Variants in SHISA5 observed in about 807,000 individuals in gnomAD.
SHISA5 encodes shisa family member 5, also known as protein shisa-5.
In SHISA5, 21 loss-of-function variants were observed where a neutral mutation model predicts 27.5. The ratio of observed to expected loss-of-function variants is 0.76; its 90% CI spans 0.54 to 1.10. SHISA5 has a LOEUF of 1.10. Among genes scored for constraint, SHISA5 ranks in the 50% least tolerant of loss-of-function variants. The pLI, the probability that SHISA5 is intolerant of heterozygous loss-of-function variation, is 0.00. For missense variants in SHISA5, 314 were observed against 336.3 expected (o/e 0.93, Z 0.52); for synonymous variants, 137 against 142.2 (o/e 0.96, Z 0.26).
rs1396183837 is a variant in SHISA5 at position 48,495,743 on chromosome 3, G to A, written c.233+5394C>T. 3.4e-5 allele frequency among the ~76,000 whole-genome samples: 5 copies of A among 147,250 alleles called. No homozygotes were observed. In the East Asian group the frequency reaches 9.7e-4, roughly 29 times the overall value. The stretch of plus-strand genomic sequence containing the variant: ...TCACTGTGTTGGCCAGCCTGATCTC[G>A]AACTCCAGACCTCGTGATCTGCCCA... On this transcript the variant is annotated intron_variant, in intron 2 of 5. Transcript: ENST00000296444.
At chr3:48,502,278 C>A (rs1248792255) in intron 1 of SHISA5, 2 of 423,304 alleles carry the variant, frequency 4.7e-6, no homozygotes, top group Admixed American at 4.9e-5. Flanking sequence ...ACCCCATAAC[C>A]ATGATGGCAG....
intron 2 of SHISA5, among the ~76,000 whole-genome samples, chr3:48,482,581 TG>T (rs925464496): frequency 6.6e-6 from 1 of 152,120 alleles, no homozygotes; most frequent in African/African-American, 2.4e-5. Flanking sequence ...GCCCTTATAT[TG>T]GAAGGGAAAT....
Position 48,468,961 on chromosome 3 carries a change from A to T in SHISA5, c.*146T>A. 2 of 1,581,024 alleles carry T rather than the reference A, an allele frequency of 1.3e-6. No individual in the cohort carries two copies. Among genetic ancestry groups the T allele is most frequent in the Non-Finnish European group, 1.7e-6 (2 of 1,171,228 alleles). ...CAGCATCAGAGGAAGCCACATATAC[A>T]GGCAGGACACACACAGCACACATGG... is the stretch of plus-strand genomic sequence containing the variant. On this transcript the variant is annotated 3_prime_UTR_variant, in exon 6 of 6. Transcript: ENST00000296444.
intron 2 of SHISA5, among the ~76,000 whole-genome samples, chr3:48,500,351 G>A (rs1033409467): frequency 6.6e-6 from 1 of 152,208 alleles, no homozygotes; most frequent in Non-Finnish European, 1.5e-5. Flanking sequence ...GCCAGGCATG[G>A]TGGTGCACAC....
intron 2 of SHISA5, among the ~76,000 whole-genome samples, chr3:48,488,719 G>T (rs2041328576): frequency 1.3e-5 from 2 of 150,016 alleles, no homozygotes; most frequent in Non-Finnish European, 1.5e-5. Flanking sequence ...TGTAATCCCA[G>T]CTACTAGGGA....
intron 2 of SHISA5, among the ~76,000 whole-genome samples, chr3:48,486,474 A>T (rs1393206413): frequency 9.5e-6 from 1 of 104,880 alleles, no homozygotes; most frequent in African/African-American, 4.2e-5. Context: ...TAATTATATT[A>T]TATATATTAC....
In SHISA5 at chr3:48,468,232, A is replaced by T; in HGVS notation, c.*875T>A. On this transcript the variant is annotated 3_prime_UTR_variant, in exon 6 of 6. Transcript: ENST00000296444. Reference sequence around the variant, plus strand: ...TCTCATATCAACTATCATGTTTGAAACAGAAAACAGGCAAAATGTTTGGCT... The same window carrying T: ...TCTCATATCAACTATCATGTTTGAATCAGAAAACAGGCAAAATGTTTGGCT... 1.0e-6 allele frequency: 1 copy of T among 1,001,850 alleles called. No homozygotes were observed. The highest frequency in any genetic ancestry group is 1.2e-6 in the Non-Finnish European group (1 of 839,220). 62.1% of individuals were successfully genotyped at this position (1,001,850 alleles called of 1,614,324 possible). A position where few individuals can be genotyped will look rare whatever the true frequency, so the allele number is the denominator to read the frequency against.
Position 48,469,970 on chromosome 3 carries a change from G to C in SHISA5, c.315-127C>G, listed in dbSNP as rs546443845. The C allele has an allele frequency of 7.9e-7, 1 of 1,270,784 alleles. No homozygotes were observed. The highest frequency in any genetic ancestry group is 1.1e-6 in the Non-Finnish European group (1 of 924,194). The allele number at this position is 1,270,784 out of a possible 1,614,324, so 78.7% of individuals were successfully genotyped here. A position where few individuals can be genotyped will look rare whatever the true frequency, so the allele number is the denominator to read the frequency against. ...ATACAGTTATAGCTACTTCCTTGTC[G>C]GGTGGCCTGCACCTGTTTCAATCTG... is the stretch of plus-strand genomic sequence containing the variant. On this transcript the variant is annotated intron_variant, in intron 3 of 5. Coordinates refer to ENST00000296444, the MANE Select transcript of SHISA5 (RefSeq NM_016479.6). The surrounding 1 kb of genome is among the most constrained non-coding windows in gnomAD (Gnocchi z 4.6).
At chr3:48,491,792 C>T (rs1263545830) in intron 2 of SHISA5, among the ~76,000 whole-genome samples, 2 of 151,896 alleles carry the variant, frequency 1.3e-5, no homozygotes, top group Admixed American at 6.6e-5. Context: ...GGACCACAGA[C>T]GCGCACCATC....
At chr3:48,475,772 G>A (rs2040804903) in intron 3 of SHISA5, among the ~76,000 whole-genome samples, 1 of 152,220 alleles carries the variant, frequency 6.6e-6, no homozygotes. Context: ...AGTGCAAGGA[G>A]CTGGGAAGAG....
chr3:48,485,626 GA>G (rs2041192424), intron 2 of SHISA5, among the ~76,000 whole-genome samples: 1 of 139,390 alleles, frequency 7.2e-6, no homozygotes, highest in Non-Finnish European at 1.5e-5. Flanking sequence ...ATAATATATA[GA>G]TATTATATAT....
intron 2 of SHISA5, among the ~76,000 whole-genome samples, chr3:48,480,574 G>A (rs1465449933): frequency 6.6e-6 from 1 of 151,954 alleles, no homozygotes; most frequent in Admixed American, 6.6e-5. Flanking sequence ...GCCTGTCCAG[G>A]ATGGTGAAAC....
At chr3:48,501,846 C>G (rs1214565211) in intron 1 of SHISA5, among the ~76,000 whole-genome samples, 6 of 150,670 alleles carry the variant, frequency 4.0e-5, no homozygotes, top group African/African-American at 1.5e-4. Context: ...AGACACTGGA[C>G]TGTCCCTTTC....
chr3:48,501,130 C>T lies in SHISA5; in HGVS notation c.233+7G>A, dbSNP rs2041740370. ...CCACCCACCCTGTGACCCACTGGTG[C>T]ACCCACCTGGCCTCAGGCACAGCAC... On this transcript the variant is annotated splice_region_variant and intron_variant, in intron 2 of 5. Transcript: ENST00000296444. 1 of 1,608,000 alleles carries T rather than the reference C, an allele frequency of 6.2e-7. No homozygotes were observed. The highest frequency in any genetic ancestry group is 8.5e-7 in the Non-Finnish European group (1 of 1,176,814).
At chr3:48,475,821 T>C (rs2107308151) in intron 3 of SHISA5, among the ~76,000 whole-genome samples, 1 of 152,342 alleles carries the variant, frequency 6.6e-6, no homozygotes, top group Non-Finnish European at 1.5e-5. Flanking sequence ...GGAGACTATC[T>C]GGGGAGTGAA....
intron 2 of SHISA5, among the ~76,000 whole-genome samples, chr3:48,488,544 T>C (rs2041321819): frequency 1.4e-5 from 2 of 138,200 alleles, no homozygotes; most frequent in South Asian, 5.3e-4. Context: ...TATAGTAAAA[T>C]GTGAAAAGGC....
chr3:48,495,334 T>A (rs1226616571), intron 2 of SHISA5, among the ~76,000 whole-genome samples: 2 of 144,692 alleles, frequency 1.4e-5, no homozygotes, highest in Non-Finnish European at 3.0e-5. Flanking sequence ...CGACGCTTTT[T>A]TTTTTTTTTT....
chr3:48,489,195 ATTTTTTTTT>A (rs11293006), intron 2 of SHISA5, among the ~76,000 whole-genome samples: 1 of 130,090 alleles, frequency 7.7e-6, no homozygotes, highest in Non-Finnish European at 1.7e-5. Context: ...ACATTATGAG[ATTTTTTTTT>A]TTTTTTTTTT....
intron 2 of SHISA5, 31 bp from the exon 3 acceptor site, chr3:48,479,288 A>G: frequency 6.3e-7 from 1 of 1,582,846 alleles, no homozygotes. Flanking sequence ...GATTAGCACA[A>G]TGAAGCCCCA....
Sources: gnomAD v4.1 joint callset for allele counts (sites outside exome capture counted in the v4.1 genomes callset) on GRCh38, gnomAD v4.1.1 for gene constraint, Gnocchi (gnomAD v3.1) non-coding constraint, MANE v1.5 for transcripts, NCBI Gene and HGNC (gene_info 2026-07-23, HGNC 2026-07-21) for gene names.